The following SLC6A13 variants were observed in gnomAD, a reference collection of about 807,000 sequenced individuals.
SLC6A13 encodes sodium- and chloride-dependent GABA transporter 2.
SLC6A13 carries 69 observed loss-of-function variants against 72.9 expected under a neutral mutation model. The ratio of observed to expected loss-of-function variants is 0.95; its 90% confidence interval spans 0.78 to 1.16. SLC6A13 has a LOEUF of 1.16. Ranked by LOEUF, SLC6A13 falls within the 50% of genes most tolerant of loss-of-function variation. The pLI is 0.00. For synonymous variants in SLC6A13, 303 were observed against 303.0 expected (o/e 1.00, Z 0.00); for missense variants, 735 against 760.5 (o/e 0.97, Z 0.39).
chr12:229,983 C>T (rs1273860920), intron 7 of SLC6A13, among the ~76,000 whole-genome samples: 4 of 152,178 alleles, frequency 2.6e-5, no homozygotes, highest in Admixed American at 6.5e-5. Flanking sequence ...GAACCCAGAG[C>T]GCAAGGGTCA....
At chr12:230,970 C>T (rs190029117) in intron 7 of SLC6A13, among the ~76,000 whole-genome samples, 6 of 152,346 alleles carry the variant, frequency 3.9e-5, no homozygotes, top group East Asian at 3.8e-4. Context: ...TAGTTCTAAT[C>T]GGTGATTTCA....
intron 2 of SLC6A13, among the ~76,000 whole-genome samples, chr12:246,242 C>T (rs558314408): frequency 8.5e-5 from 13 of 152,072 alleles, no homozygotes; most frequent in Admixed American, 3.3e-4. Context: ...TGCTTGAACC[C>T]GGGAGATGGA....
intron 12 of SLC6A13, 77 bp from the exon 13 acceptor site, chr12:222,709 C>T (rs1941264555): frequency 1.2e-6 from 1 of 863,084 alleles, no homozygotes; most frequent in South Asian, 1.5e-5. Flanking sequence ...GGGCCACAAA[C>T]AGACCAGAAT....
chr12:235,506 AC>A (rs1941897149), intron 6 of SLC6A13, among the ~76,000 whole-genome samples: 1 of 152,194 alleles, frequency 6.6e-6, no homozygotes, highest in Non-Finnish European at 1.5e-5. Context: ...GCCTGTCTTT[AC>A]TTTAATCTCT....
chr12:241,058 C>T (rs187373198), intron 4 of SLC6A13, among the ~76,000 whole-genome samples: 16 of 152,294 alleles, frequency 1.1e-4, no homozygotes, highest in African/African-American at 1.9e-4. Flanking sequence ...GTAATCCCAG[C>T]GCTTTGGGAG....
chr12:243,790 C>G lies in SLC6A13; in HGVS notation c.226G>C (p.Val76Leu). Residue 76 changes from valine (V) to leucine (L), a missense_variant, in exon 3 of 15, where the codon GTC becomes CTC. Coordinates refer to ENST00000343164, the MANE Select transcript of SLC6A13 (RefSeq NM_016615.5). Reference protein sequence around the residue: ...GGGAFFIPYLVFLFTCGIPVF... With the variant: ...GGGAFFIPYLLFLFTCGIPVF... The stretch of plus-strand genomic sequence containing the variant: ...GGAATGCCACAGGTAAAGAGGAAGA[C>G]GAGGTAGGGGATGAAGAAGGCACCT... The G allele has an allele frequency of 6.2e-7, 1 of 1,614,044 alleles. No individual in the cohort carries two copies.
rs1942439428 is a variant in SLC6A13, at chr12:248,670, ATT to A, written c.203-4859_203-4858del. ...ACTACAAAGAGAAACATATAAACTA[ATT>A]CCTGATAAATGTTAAAAACGTTAAT... On this transcript the variant is annotated intron_variant, in intron 2 of 14. Transcript: ENST00000343164. 7.9e-5 allele frequency among the ~76,000 whole-genome samples: 12 copies of A among 152,330 alleles called. 1 individual carries two copies. The South Asian group carries it at 1.9e-3, about 24-fold the overall frequency.
chr12:255,565 G>A (rs1258033147), intron 2 of SLC6A13, among the ~76,000 whole-genome samples: 7 of 152,328 alleles, frequency 4.6e-5, no homozygotes, highest in East Asian at 1.9e-4. Context: ...GCGTGTTGGC[G>A]CGCGCCTGTA....
At chr12:221,660 G>T in intron 13 of SLC6A13, 114 bp from the exon 14 acceptor site, 1 of 701,978 alleles carries the variant, frequency 1.4e-6, no homozygotes, top group East Asian at 2.6e-5. Flanking sequence ...ATTCCCTCTA[G>T]CTCTTCTGGA....
chr12:243,163 C>A (rs1942229370), intron 3 of SLC6A13, among the ~76,000 whole-genome samples: 1 of 152,028 alleles, frequency 6.6e-6, no homozygotes, highest in African/African-American at 2.4e-5. Flanking sequence ...GTGCCCACCA[C>A]CATGCCTGGC....
At chr12:259,537 G>A (rs1262847626) in intron 2 of SLC6A13, 1 of 1,365,530 alleles carries the variant, frequency 7.3e-7, no homozygotes. Context: ...TTGATGCTCT[G>A]AGAGCTTAAG....
intron 7 of SLC6A13, 29 bp downstream of exon 7, chr12:235,061 C>A (rs191445832): frequency 2.9e-5 from 47 of 1,613,706 alleles, no homozygotes; most frequent in East Asian, 1.1e-4. Flanking sequence ...CTGGGAGTCA[C>A]GTGAGGGCTC....
chr12:261,478 T>A (rs1305036598), intron 1 of SLC6A13, among the ~76,000 whole-genome samples: 1 of 152,230 alleles, frequency 6.6e-6, no homozygotes, highest in Non-Finnish European at 1.5e-5. Flanking sequence ...TTCTAATGAC[T>A]CTGCCTTGAT....
chr12:228,286 GC>G (rs1941551571), intron 7 of SLC6A13, among the ~76,000 whole-genome samples: 1 of 152,072 alleles, frequency 6.6e-6, no homozygotes, highest in Admixed American at 6.5e-5. Flanking sequence ...CAGCTGGCTC[GC>G]CCAGCCCGTG....
intron 7 of SLC6A13, 63 bp from the exon 8 acceptor site, chr12:227,731 C>T (rs973456604): frequency 1.9e-5 from 26 of 1,399,004 alleles, no homozygotes; most frequent in South Asian, 2.7e-5. Context: ...AAGCCATGGG[C>T]GGACACAGGC....
chr12:243,711 G>A lies in SLC6A13; in HGVS notation c.305C>T (p.Thr102Ile), dbSNP rs748585900. Residue 102 changes from threonine (T) to isoleucine (I), a missense_variant, in exon 3 of 15, where the codon ACA becomes ATA. Thr to Ile is a moderately conservative substitution (Grantham distance 89). Transcript: ENST00000343164. ...GATGGGGCAGATCTTCCTCCAGGCTGTGACGCCTCCCTGGCTAGTGTACTG... is the reference window on the plus strand; with the variant it reads ...GATGGGGCAGATCTTCCTCCAGGCTATGACGCCTCCCTGGCTAGTGTACTG... ...LGQYTSQGGV[T>I]AWRKICPIFE... is the part of the protein sequence containing the mutation. 2 of 1,614,194 alleles carry A rather than the reference G, an allele frequency of 1.2e-6. No individual in the cohort carries two copies. Among genetic ancestry groups the A allele is most frequent in the South Asian group, 2.2e-5 (2 of 91,080 alleles).
intron 7 of SLC6A13, among the ~76,000 whole-genome samples, chr12:232,642 C>T (rs1390684936): frequency 6.6e-6 from 1 of 152,202 alleles, no homozygotes. Flanking sequence ...CTGACCGCTG[C>T]CCTCGTACCC....
intron 9 of SLC6A13, among the ~76,000 whole-genome samples, chr12:226,161 G>C (rs374803253): frequency 1.3e-5 from 2 of 152,180 alleles, no homozygotes; most frequent in Non-Finnish European, 2.9e-5. Context: ...TGCTTCCAGG[G>C]TAATGAACTG....
chr12:249,836 A>G (rs546796), intron 2 of SLC6A13, among the ~76,000 whole-genome samples: 28,714 of 152,124 alleles, frequency 0.19, 3,095 homozygotes, highest in East Asian at 0.37. Flanking sequence ...TTTCATGAAC[A>G]TAAATGCCAA....
Sources: gnomAD v4.1 joint callset for allele counts (sites outside exome capture counted in the v4.1 genomes callset) on GRCh38, gnomAD v4.1.1 for gene constraint, MANE v1.5 for transcripts, NCBI Gene and HGNC (gene_info 2026-07-23, HGNC 2026-07-21) for gene names.